The following MLLT1 variants were observed in gnomAD, a reference collection of about 807,000 sequenced individuals.
MLLT1 encodes protein ENL.
MLLT1 carries 11 observed loss-of-function variants against 55.1 expected under a neutral mutation model. The observed-to-expected ratio is 0.20, with a 90% CI of 0.13 to 0.33. The LOEUF (loss-of-function observed/expected upper bound fraction) is 0.33. Ranked by LOEUF, MLLT1 falls within the 10% of genes least tolerant of loss-of-function variation. The probability of loss-of-function intolerance (pLI) is 1.00; values close to 1 mark genes in which losing one functional copy is unlikely to be tolerated. For missense variants in MLLT1, 536 were observed against 760.6 expected (o/e 0.70, Z 3.47); for synonymous variants, 323 against 320.1 (o/e 1.01, Z -0.10).
intron 5 of MLLT1, among the ~76,000 whole-genome samples, chr19:6,225,139 G>A (rs1484131795): frequency 6.6e-6 from 1 of 152,248 alleles, no homozygotes; most frequent in Non-Finnish European, 1.5e-5. Flanking sequence ...TGCCAGGCAA[G>A]GCTGTGAGAG....
chr19:6,223,135 C>T (rs1234714020), intron 5 of MLLT1, among the ~76,000 whole-genome samples: 4 of 152,194 alleles, frequency 2.6e-5, no homozygotes, highest in South Asian at 4.1e-4. Context: ...ACTCATGCTA[C>T]GTGCGGGAAG....
rs575675454 is a variant in MLLT1 at position 6,217,939 on chromosome 19, G to T, written c.1198+15C>A. The T allele has an allele frequency of 1.9e-6, 3 of 1,590,736 alleles. No homozygotes were observed. Among genetic ancestry groups the T allele is most frequent in the African/African-American group, 1.4e-5 (1 of 73,508 alleles). On this transcript the variant is annotated intron_variant, in intron 7 of 11. Transcript: ENST00000252674. ...CCGGCCCCATCCGTGCCCCCCAGCTGCTCTCCATACACACCTTGGCTGTGG... is the reference window on the plus strand; with the variant it reads ...CCGGCCCCATCCGTGCCCCCCAGCTTCTCTCCATACACACCTTGGCTGTGG...
intron 1 of MLLT1, among the ~76,000 whole-genome samples, chr19:6,276,265 C>G (rs1406319319): frequency 6.6e-6 from 1 of 152,160 alleles, no homozygotes; most frequent in Non-Finnish European, 1.5e-5. Context: ...CAGCCAGCAA[C>G]CTGGGTAATT....
rs1335386575 is a variant in MLLT1 at position 6,210,765 on chromosome 19, C to T, written c.*2277G>A. Reference sequence around the variant, plus strand: ...AAGTGTCCCCAGAGCCCTCGTGGGCCCAGCCGCCGGGCAGCTGGGGTGGGG... The same window carrying T: ...AAGTGTCCCCAGAGCCCTCGTGGGCTCAGCCGCCGGGCAGCTGGGGTGGGG... On this transcript the variant is annotated 3_prime_UTR_variant, in exon 12 of 12. Coordinates refer to ENST00000252674, the MANE Select transcript of MLLT1 (RefSeq NM_005934.4). This position sits in a 1 kb window ranked among gnomAD's most constrained non-coding sequence, Gnocchi z 4.6. 1 of 229,924 alleles carries T rather than the reference C, an allele frequency of 4.3e-6. No individual in the cohort carries two copies. The allele number at this position is 229,924 out of a possible 1,614,324, so 14.2% of individuals were successfully genotyped here.
intron 3 of MLLT1, among the ~76,000 whole-genome samples, chr19:6,250,642 C>T (rs2091205055): frequency 6.6e-6 from 1 of 152,198 alleles, no homozygotes; most frequent in Non-Finnish European, 1.5e-5. Flanking sequence ...GGCAGATTCA[C>T]GTTTTGCCTT....
At position 6,240,982 on chromosome 19, in the gene MLLT1, G is replaced by T. The variant is rs996681244; in HGVS notation, c.277-10269C>A. On this transcript the variant is annotated intron_variant, in intron 3 of 11. Transcript: ENST00000252674. This position sits in a 1 kb window ranked among gnomAD's most constrained non-coding sequence, Gnocchi z 4.7. ...ATGATTTCTCCTCAGTCTGACACCA[G>T]AAAAGGCAGAAAGCAGCCAGCAACG... 6.6e-6 allele frequency among the ~76,000 whole-genome samples: 1 copy of T among 152,180 alleles called. No homozygotes were observed. Among genetic ancestry groups the T allele is most frequent in the African/African-American group, 2.4e-5 (1 of 41,442 alleles).
intron 3 of MLLT1, among the ~76,000 whole-genome samples, chr19:6,261,214 C>A (rs1028742577): frequency 2.0e-5 from 3 of 152,216 alleles, no homozygotes; most frequent in African/African-American, 7.2e-5. Context: ...CCCAGCGGGG[C>A]CTCAATTCCA....
At chr19:6,269,412 G>C (rs769464222) in intron 2 of MLLT1, among the ~76,000 whole-genome samples, 1 of 152,246 alleles carries the variant, frequency 6.6e-6, no homozygotes, top group African/African-American at 2.4e-5. Context: ...CCGCTGTCAG[G>C]AGCCTCCGCG....
Position 6,230,065 on chromosome 19 carries a change from G to A in MLLT1, c.420+505C>T, listed in dbSNP as rs571981280. Among the ~76,000 whole-genome samples, 11 of 151,986 alleles carry A rather than the reference G, an allele frequency of 7.2e-5. No individual in the cohort carries two copies. The highest frequency in any genetic ancestry group is 1.0e-4 in the Non-Finnish European group (7 of 67,976). ...GCCCACCCTGTTGCCAAGAGCCCTC[G>A]TGGGGAACTCTGAGCCCCCACAGGG... On this transcript the variant is annotated intron_variant, in intron 4 of 11. Transcript: ENST00000252674. The surrounding 1 kb of genome is among the most constrained non-coding windows in gnomAD (Gnocchi z 9.0).
rs78847392 is a variant in MLLT1 at position 6,262,903 on chromosome 19, G to T, written c.194-593C>A. ...AGAGATTAAAAAAGAAAAAAAAAAG[G>T]CCGGACACGGTGGCTCACACCTGTA... On this transcript the variant is annotated intron_variant, in intron 2 of 11. Coordinates refer to ENST00000252674, the MANE Select transcript of MLLT1 (RefSeq NM_005934.4). This position sits in a 1 kb window ranked among gnomAD's most constrained non-coding sequence, Gnocchi z 4.4. 6.6e-6 allele frequency among the ~76,000 whole-genome samples: 1 copy of T among 151,982 alleles called. No individual in the cohort carries two copies. The highest frequency in any genetic ancestry group is 1.5e-5 in the Non-Finnish European group (1 of 67,978).
chr19:6,217,138 C>A (rs951856203), intron 7 of MLLT1, among the ~76,000 whole-genome samples: 6 of 152,168 alleles, frequency 3.9e-5, no homozygotes, highest in Non-Finnish European at 8.8e-5. Flanking sequence ...CCCTCCCTTC[C>A]CGGCAGATAA....
chr19:6,225,069 A>G (rs543561634), intron 5 of MLLT1, among the ~76,000 whole-genome samples: 1 of 152,336 alleles, frequency 6.6e-6, no homozygotes, highest in African/African-American at 2.4e-5. Context: ...CTCCACGGGA[A>G]AGAGCAACCA....
At position 6,213,329 on chromosome 19, in the gene MLLT1, G is replaced by A. The variant is rs1231035681; in HGVS notation, c.1551+8C>T. ...CTCTGCCGGGCAGGACCCTCAGGGGGGCGATACCTGCTGCAGCACGTTGCG... is the reference window on the plus strand; with the variant it reads ...CTCTGCCGGGCAGGACCCTCAGGGGAGCGATACCTGCTGCAGCACGTTGCG... On this transcript the variant is annotated splice_region_variant and intron_variant, in intron 11 of 11. Transcript: ENST00000252674. The A allele has an allele frequency of 6.2e-7, 1 of 1,612,228 alleles. No homozygotes were observed. Among genetic ancestry groups the A allele is most frequent in the Non-Finnish European group, 8.5e-7 (1 of 1,179,780 alleles).
rs1032779225 is a variant in MLLT1, at chr19:6,227,844, C to A, written c.421-742G>T. Among the ~76,000 whole-genome samples the A allele has an allele frequency of 1.4e-4, 22 of 152,152 alleles. No individual in the cohort carries two copies. The highest frequency in any genetic ancestry group is 5.3e-4 in the African/African-American group (22 of 41,418). On this transcript the variant is annotated intron_variant, in intron 4 of 11. Transcript: ENST00000252674. This position sits in a 1 kb window ranked among gnomAD's most constrained non-coding sequence, Gnocchi z 5.1. Reference sequence around the variant, plus strand: ...AGCTCGGAGCAAGGTCTTGAGATATCAACACTGCGAGTTAAGGAATGCCAC... The same window carrying A: ...AGCTCGGAGCAAGGTCTTGAGATATAAACACTGCGAGTTAAGGAATGCCAC...
At chr19:6,241,288 G>A (rs1487061717) in intron 3 of MLLT1, among the ~76,000 whole-genome samples, 1 of 152,220 alleles carries the variant, frequency 6.6e-6, no homozygotes, top group African/African-American at 2.4e-5. Flanking sequence ...CTGCCAGGCA[G>A]AGTCCAGCTG....
chr19:6,236,010 C>A (rs1253198504), intron 3 of MLLT1, among the ~76,000 whole-genome samples: 2 of 152,178 alleles, frequency 1.3e-5, no homozygotes, highest in Admixed American at 6.5e-5. Flanking sequence ...ACACCACACA[C>A]AATGGGACTG....
rs142245788 is a variant in MLLT1, at chr19:6,222,604, G to C, written c.627C>G (p.Ser209=). The change falls in exon 6 of 12, where the codon TCC becomes TCG. Residue 209 remains serine, a synonymous_variant. Transcript: ENST00000252674. The surrounding 1 kb of genome is among the most constrained non-coding windows in gnomAD (Gnocchi z 4.1). ...KEHRERPRKD[S]ESKSSSKELE... ...GCTCCTTGGAGGAGCTCTTGCTCTC[G>C]GAGTCTTTGCGGGGCCGCTCCCGGT... 2.5e-6 allele frequency: 4 copies of C among 1,597,398 alleles called. No individual in the cohort carries two copies. In the African/African-American group the frequency reaches 5.3e-5, roughly 21 times the overall value.
Position 6,219,705 on chromosome 19 carries a change from C to T in MLLT1, c.1111-1664G>A, listed in dbSNP as rs995768976. ...TGGAGAAGTATCCAAGGTCCTGGCC[C>T]CATATCCCATGCACTTTCTCACTAA... is the stretch of plus-strand genomic sequence containing the variant. On this transcript the variant is annotated intron_variant, in intron 6 of 11. Coordinates refer to ENST00000252674, the MANE Select transcript of MLLT1 (RefSeq NM_005934.4). This position sits in a 1 kb window ranked among gnomAD's most constrained non-coding sequence, Gnocchi z 4.5. Among the ~76,000 whole-genome samples the T allele has an allele frequency of 6.6e-6, 1 of 152,184 alleles. No homozygotes were observed. Among genetic ancestry groups the T allele is most frequent in the Non-Finnish European group, 1.5e-5 (1 of 68,028 alleles).
intron 3 of MLLT1, among the ~76,000 whole-genome samples, chr19:6,236,917 G>A (rs986048276): frequency 2.6e-5 from 4 of 152,234 alleles, no homozygotes; most frequent in Non-Finnish European, 5.9e-5. Context: ...TAGCCTCCTA[G>A]AGTCACGTGT....
Sources: gnomAD v4.1 joint callset for allele counts (sites outside exome capture counted in the v4.1 genomes callset) on GRCh38, gnomAD v4.1.1 for gene constraint, Gnocchi (gnomAD v3.1) non-coding constraint, MANE v1.5 for transcripts, NCBI Gene and HGNC (gene_info 2026-07-23, HGNC 2026-07-21) for gene names.